The following RTF2 variants were observed in gnomAD, a reference collection of about 807,000 sequenced individuals.
RTF2 encodes the protein UPF0549 protein C20orf43.
In RTF2, 18 loss-of-function variants were observed where a neutral mutation model predicts 38.0. The observed-to-expected ratio is 0.47, with a 90% CI of 0.33 to 0.70. The LOEUF is 0.70. RTF2 is among the 30% of genes least tolerant of loss of function. RTF2 has a pLI of 0.02. For synonymous variants in RTF2, 126 were observed against 137.1 expected (o/e 0.92, Z 0.57); for missense variants, 311 against 379.6 (o/e 0.82, Z 1.50).
At chr20:56,491,776 G>A (rs780138116) in intron 5 of RTF2, 88 of 1,550,152 alleles carry the variant, frequency 5.7e-5, no homozygotes, top group Middle Eastern at 3.5e-4. Flanking sequence ...TGTCTTCGAC[G>A]TAGCGGCCTG....
At chr20:56,507,542 G>A (rs538935118) in intron 5 of RTF2, among the ~76,000 whole-genome samples, 2 of 152,312 alleles carry the variant, frequency 1.3e-5, no homozygotes, top group South Asian at 4.1e-4. Flanking sequence ...AACTTTAAAA[G>A]TACAATAAGT....
intron 5 of RTF2, among the ~76,000 whole-genome samples, chr20:56,508,337 T>C (rs550990787): frequency 1.3e-5 from 2 of 152,312 alleles, no homozygotes; most frequent in South Asian, 4.1e-4. Context: ...GCTGATAATG[T>C]TTTCTACAAA....
Position 56,474,750 on chromosome 20 carries a change from A to G in RTF2, c.237A>G (p.Ala79=), listed in dbSNP as rs1982153001. 2 of 1,609,068 alleles carry G rather than the reference A, an allele frequency of 1.2e-6. No homozygotes were observed. Among genetic ancestry groups the G allele is most frequent in the East Asian group, 2.2e-5 (1 of 44,822 alleles). Residue 79 remains alanine, a synonymous_variant, in exon 3 of 9, where the codon GCA becomes GCG. Transcript: ENST00000357348. ...KSAEKALGKA[A]SHIKSIKNVT... is the part of the protein sequence containing the mutation. Reference sequence around the variant, plus strand: ...CAGAAAAGGCTCTTGGGAAGGCAGCATCTCACATTAAAAGCATTAAGGTAA... The same window carrying G: ...CAGAAAAGGCTCTTGGGAAGGCAGCGTCTCACATTAAAAGCATTAAGGTAA...
intron 1 of RTF2, among the ~76,000 whole-genome samples, chr20:56,469,671 G>C (rs907632840): frequency 2.0e-5 from 3 of 152,166 alleles, no homozygotes; most frequent in African/African-American, 7.2e-5. Context: ...TTGTTTAAAA[G>C]GTAAACCCCT....
At chr20:56,495,406 G>A (rs2146343628) in intron 5 of RTF2, 3 of 824,900 alleles carry the variant, frequency 3.6e-6, no homozygotes, top group Non-Finnish European at 5.9e-6. Flanking sequence ...GGTAGTCAAT[G>A]AGAAAAGTAG....
chr20:56,500,034 G>A (rs1454311676), intron 5 of RTF2, among the ~76,000 whole-genome samples: 1 of 151,558 alleles, frequency 6.6e-6, no homozygotes, highest in Non-Finnish European at 1.5e-5. Context: ...CACTGCGCCC[G>A]GCCTATTTGT....
intron 5 of RTF2, among the ~76,000 whole-genome samples, chr20:56,490,154 G>T (rs1983030155): frequency 6.6e-6 from 1 of 152,154 alleles, no homozygotes; most frequent in Non-Finnish European, 1.5e-5. Flanking sequence ...TTTTCCCAGG[G>T]CTATTTCACA....
At chr20:56,516,445 C>T (rs1985047436) in intron 6 of RTF2, 1 of 155,136 alleles carries the variant, frequency 6.4e-6, no homozygotes, top group African/African-American at 2.4e-5. Flanking sequence ...TTAATATAAA[C>T]TTCAAGGCCT....
intron 4 of RTF2, among the ~76,000 whole-genome samples, chr20:56,481,284 G>A (rs531222347): frequency 2.1e-3 from 321 of 152,284 alleles, no homozygotes; most frequent in Non-Finnish European, 3.6e-3. Flanking sequence ...GCACATTGGC[G>A]TCTGTTTATT....
chr20:56,469,127 C>T lies in RTF2; in HGVS notation c.69+361C>T, dbSNP rs12625435. Among the ~76,000 whole-genome samples, 4,406 of 152,232 alleles carry T rather than the reference C, an allele frequency of 0.029. 413 individuals carry two copies. In the East Asian group the frequency reaches 0.33, roughly 11 times the overall value. ...TTTGAACCCTACCTGCGACTAGTAGCAATAATACAAATACCTAGTGTATAC... is the reference window on the plus strand; with the variant it reads ...TTTGAACCCTACCTGCGACTAGTAGTAATAATACAAATACCTAGTGTATAC... On this transcript the variant is annotated intron_variant, in intron 1 of 8. Transcript: ENST00000357348.
At chr20:56,484,042 A>G (rs1391465186) in intron 4 of RTF2, 69 bp from the exon 5 acceptor site, 1 of 1,357,790 alleles carries the variant, frequency 7.4e-7, no homozygotes, top group Admixed American at 1.7e-5. Flanking sequence ...TGGCCTTTGT[A>G]TCAACCGAAT....
In RTF2 at chr20:56,491,737, C is replaced by T. The variant is rs767712826; in HGVS notation, c.477+7548C>T. On this transcript the variant is annotated intron_variant, in intron 5 of 8. Coordinates refer to ENST00000357348, the MANE Select transcript of RTF2 (RefSeq NM_016407.5). ...ACAGAGAAGGCGACTGAATGAGCCA[C>T]GGCAGGTCTCCTGGTCCGTATACGC... 3.4e-5 allele frequency: 53 copies of T among 1,551,998 alleles called. 1 individual carries two copies. The Admixed American group carries it at 4.3e-4, about 13-fold the overall frequency.
chr20:56,506,077 C>T (rs986426333), intron 5 of RTF2, among the ~76,000 whole-genome samples: 1 of 152,176 alleles, frequency 6.6e-6, no homozygotes, highest in African/African-American at 2.4e-5. Context: ...GGGAGAACTG[C>T]TTGGCTTTAA....
intron 5 of RTF2, among the ~76,000 whole-genome samples, chr20:56,489,721 G>T (rs1568698116): frequency 6.6e-6 from 1 of 152,228 alleles, no homozygotes; most frequent in African/African-American, 2.4e-5. Context: ...TGTACCACGG[G>T]TTGACATTGG....
chr20:56,486,334 A>G (rs1428214184), intron 5 of RTF2, among the ~76,000 whole-genome samples: 1 of 152,154 alleles, frequency 6.6e-6, no homozygotes, highest in Admixed American at 6.5e-5. Flanking sequence ...CTGTTTCTCT[A>G]TATTTAGCCT....
intron 3 of RTF2, 124 bp from the exon 4 acceptor site, chr20:56,476,861 A>G: frequency 3.5e-6 from 3 of 861,192 alleles, no homozygotes; most frequent in Non-Finnish European, 5.5e-6. Context: ...ACCAGAGGAA[A>G]GTAACTGTGA....
intron 4 of RTF2, among the ~76,000 whole-genome samples, chr20:56,482,980 A>G (rs906556597): frequency 6.6e-6 from 1 of 152,182 alleles, no homozygotes; most frequent in East Asian, 1.9e-4. Flanking sequence ...ATATGTATTT[A>G]ATAACCTCTT....
At chr20:56,492,989 A>G (rs1232779123) in intron 5 of RTF2, among the ~76,000 whole-genome samples, 2 of 152,206 alleles carry the variant, frequency 1.3e-5, no homozygotes, top group East Asian at 1.9e-4. Flanking sequence ...CATCCTGGCC[A>G]ACATGGTGAC....
chr20:56,471,947 A>T (rs560964437), intron 1 of RTF2, among the ~76,000 whole-genome samples: 2 of 152,288 alleles, frequency 1.3e-5, no homozygotes, highest in Non-Finnish European at 2.9e-5. Flanking sequence ...TCAGAGGGCC[A>T]GGTGTGTTGG....
Sources: allele counts gnomAD v4.1 joint callset (sites outside exome capture counted in the v4.1 genomes callset), GRCh38; gene constraint gnomAD v4.1.1; transcripts MANE v1.5; gene names NCBI Gene and HGNC (gene_info 2026-07-23, HGNC 2026-07-21).